The following MYH10 variants were observed in gnomAD, a reference collection of about 807,000 sequenced individuals.
MYH10 encodes the protein myosin heavy chain 10.
In MYH10, 55 loss-of-function variants were observed where a neutral mutation model predicts 257.8. The observed-to-expected ratio is 0.21, with a 90% CI of 0.17 to 0.27. MYH10 has a LOEUF of 0.27. MYH10 is among the 10% of genes least tolerant of loss of function. The probability of loss-of-function intolerance (pLI) is 1.00; values close to 1 mark genes in which losing one functional copy is unlikely to be tolerated. For missense variants in MYH10, 1,631 were observed against 2,500.6 expected, an observed-to-expected ratio of 0.65 and a Z score of 7.42; for synonymous variants, 854 against 921.7, an observed-to-expected ratio of 0.93 and a Z score of 1.33.
chr17:8,513,579 C>T lies in MYH10; in HGVS notation c.2704G>A (p.Val902Met). ...TCCATCTCCTCCAGCTCTCCTTCCACCTTCGTCTGCTTCTCCTTCACCTTC... is the reference window on the plus strand; with the variant it reads ...TCCATCTCCTCCAGCTCTCCTTCCATCTTCGTCTGCTTCTCCTTCACCTTC... ...LLKVKEKQTKVEGELEEMERK... is the reference protein window; with the variant it reads ...LLKVKEKQTKMEGELEEMERK... Residue 902 changes from valine (V) to methionine (M), a missense_variant, in exon 23 of 43, where the codon GTG (valine) becomes ATG (methionine). By Grantham distance (21) the Val-to-Met change is conservative (BLOSUM62 1). This residue lies in a region of MYH10 where 116 missense variants were observed against 221.6 expected (regional missense o/e 0.52). Transcript: ENST00000360416. 2 of 1,614,162 alleles carry T rather than the reference C, an allele frequency of 1.2e-6. No individual in the cohort carries two copies. The highest frequency in any genetic ancestry group is 1.7e-5 in the Admixed American group (1 of 60,030).
rs915696303 is a variant in MYH10 at position 8,567,255 on chromosome 17, C to T, written c.756+2465G>A. On this transcript the variant is annotated intron_variant, in intron 7 of 42. Transcript: ENST00000360416. ...TTTCCTCAGATCGTTTCTAAACCCA[C>T]GAGTCAAGTCACAGGCATGCCTCCT... Among the ~76,000 whole-genome samples, 4 of 152,114 alleles carry T rather than the reference C, an allele frequency of 2.6e-5. No individual in the cohort carries two copies. In the East Asian group the frequency reaches 5.8e-4, roughly 22 times the overall value.
chr17:8,574,258 T>C (rs905621474), intron 6 of MYH10, among the ~76,000 whole-genome samples: 4 of 152,216 alleles, frequency 2.6e-5, no homozygotes, highest in Admixed American at 6.5e-5. Context: ...GAATATATTA[T>C]GCTAAAAGAA....
At chr17:8,492,142 T>C (rs895490456) in intron 34 of MYH10, among the ~76,000 whole-genome samples, 155 bp downstream of exon 34, 10 of 152,200 alleles carry the variant, frequency 6.6e-5, no homozygotes, top group Admixed American at 3.9e-4. Context: ...CCCGTACGCA[T>C]GCACAGGCCA....
At chr17:8,605,351 T>G (rs577824697) in intron 2 of MYH10, among the ~76,000 whole-genome samples, 1 of 152,248 alleles carries the variant, frequency 6.6e-6, no homozygotes, top group African/African-American at 2.4e-5. Context: ...TAATGCAGTT[T>G]CAGATTCCAT....
At chr17:8,496,611 G>C (rs539503010) in intron 30 of MYH10, among the ~76,000 whole-genome samples, 1 of 152,182 alleles carries the variant, frequency 6.6e-6, no homozygotes, top group Admixed American at 6.5e-5. Context: ...TCCCTTCCCC[G>C]CCGTAGGCAG....
intron 24 of MYH10, among the ~76,000 whole-genome samples, chr17:8,511,396 T>C (rs967638489): frequency 6.6e-6 from 1 of 152,032 alleles, no homozygotes; most frequent in South Asian, 2.1e-4. Flanking sequence ...AGCAGGCGCC[T>C]GTAATCCCAG....
chr17:8,574,561 T>A (rs1032620200), intron 6 of MYH10, among the ~76,000 whole-genome samples: 6 of 152,122 alleles, frequency 3.9e-5, no homozygotes, highest in Admixed American at 3.9e-4. Flanking sequence ...AAAAAAAGAA[T>A]GAGTAGATAA....
intron 7 of MYH10, among the ~76,000 whole-genome samples, chr17:8,565,212 G>A (rs78318933): frequency 2.0e-5 from 3 of 152,180 alleles, no homozygotes; most frequent in Admixed American, 6.6e-5. Context: ...CAATTAAGCT[G>A]CACAGTGGCT....
intron 25 of MYH10, among the ~76,000 whole-genome samples, chr17:8,509,580 C>T (rs936928630): frequency 4.6e-5 from 7 of 152,132 alleles, no homozygotes; most frequent in African/African-American, 1.2e-4. Flanking sequence ...ACAAACTGCA[C>T]ATGTTACAAG....
intron 6 of MYH10, among the ~76,000 whole-genome samples, chr17:8,572,177 C>T (rs1303270675): frequency 6.6e-6 from 1 of 151,316 alleles, no homozygotes; most frequent in Non-Finnish European, 1.5e-5. Flanking sequence ...TTAGATATGG[C>T]TAAAAGGATT....
intron 24 of MYH10, among the ~76,000 whole-genome samples, chr17:8,511,950 T>C (rs955216111): frequency 6.6e-6 from 1 of 152,200 alleles, no homozygotes; most frequent in African/African-American, 2.4e-5. Context: ...AATCCAAAAA[T>C]TGTGCCTCAT....
Position 8,490,639 on chromosome 17 carries a change from G to T in MYH10, c.4672-87C>A. ...GTCTTACTGTTTTACAGGCCCACTC[G>T]TGGCATGCTGGCCACTTTGGTCCCC... On this transcript the variant is annotated intron_variant, in intron 34 of 42. Transcript: ENST00000360416. The surrounding 1 kb of genome is among the most constrained non-coding windows in gnomAD (Gnocchi z 4.1). 3 of 1,384,268 alleles carry T rather than the reference G, an allele frequency of 2.2e-6. No individual in the cohort carries two copies. Among genetic ancestry groups the T allele is most frequent in the Non-Finnish European group, 3.1e-6 (3 of 982,788 alleles). The allele number at this position is 1,384,268 out of a possible 1,614,324, so 85.7% of individuals were successfully genotyped here.
intron 3 of MYH10, among the ~76,000 whole-genome samples, chr17:8,597,616 A>C (rs1263401129): frequency 1.1e-5 from 1 of 89,356 alleles, no homozygotes; most frequent in Non-Finnish European, 2.1e-5. Flanking sequence ...TATATAGTTT[A>C]CTCATTTTTT....
At chr17:8,546,106 T>C (rs1308010366) in intron 12 of MYH10, among the ~76,000 whole-genome samples, 8 of 152,126 alleles carry the variant, frequency 5.3e-5, no homozygotes, top group African/African-American at 1.9e-4. Flanking sequence ...TTGCCTGGGC[T>C]GGAGTGCCGT....
Position 8,474,358 on chromosome 17 carries a change from A to G in MYH10, c.*1446T>C, listed in dbSNP as rs1912159517. The G allele has an allele frequency of 6.6e-6, 1 of 152,656 alleles. No homozygotes were observed. Among genetic ancestry groups the G allele is most frequent in the Admixed American group, 6.5e-5 (1 of 15,290 alleles). 9.5% of individuals were successfully genotyped at this position (152,656 alleles called of 1,614,324 possible). On this transcript the variant is annotated 3_prime_UTR_variant, in exon 43 of 43. Transcript: ENST00000360416. ...TGTCTAGAAATATGGGAATACAAGA[A>G]AAGATATTTGCGGTCAGGTGTCTGG...
At chr17:8,499,673 C>T (rs753167503) in intron 29 of MYH10, among the ~76,000 whole-genome samples, 197 bp from the exon 30 acceptor site, 21 of 152,204 alleles carry the variant, frequency 1.4e-4, no homozygotes, top group Admixed American at 4.6e-4. Context: ...GTACACACTG[C>T]TCCGAGGAGC....
intron 1 of MYH10, among the ~76,000 whole-genome samples, chr17:8,624,509 C>T (rs996682622): frequency 2.0e-5 from 3 of 152,204 alleles, no homozygotes; most frequent in South Asian, 2.1e-4. Flanking sequence ...ATCCCCACTT[C>T]TCCCCTCTGT....
In MYH10 at chr17:8,492,838, C is replaced by T. The variant is rs1270107270; in HGVS notation, c.4396G>A (p.Asp1466Asn). 1.2e-6 allele frequency: 2 copies of T among 1,614,108 alleles called. No individual in the cohort carries two copies. The highest frequency in any genetic ancestry group is 1.7e-6 in the Non-Finnish European group (2 of 1,180,024). Residue 1466 changes from aspartate (D) to asparagine (N), a missense_variant, in exon 33 of 43, where the codon GAC (aspartate) becomes AAC (asparagine). Asp to Asn is a conservative substitution (Grantham distance 23, BLOSUM62 1). Coordinates refer to ENST00000360416, the MANE Select transcript of MYH10 (RefSeq NM_001256012.3). The part of the protein sequence containing the change: ...LQQELDDLTV[D>N]LDHQRQVASN... ...GCGACCTGGCGCTGGTGGTCCAGGTCCACCGTGAGGTCGTCCAGCTCCTGC... is the reference window on the plus strand; with the variant it reads ...GCGACCTGGCGCTGGTGGTCCAGGTTCACCGTGAGGTCGTCCAGCTCCTGC...
At chr17:8,616,913 T>C (rs552031702) in intron 2 of MYH10, among the ~76,000 whole-genome samples, 31 of 152,282 alleles carry the variant, frequency 2.0e-4, no homozygotes, top group African/African-American at 7.2e-4. Flanking sequence ...TGATATTAGC[T>C]GAAAGATAGG....
Sources: allele counts gnomAD v4.1 joint callset (sites outside exome capture counted in the v4.1 genomes callset), GRCh38; gene constraint gnomAD v4.1.1; regional missense constraint gnomAD v4.1.1; non-coding constraint Gnocchi (gnomAD v3.1); transcripts MANE v1.5; gene names NCBI Gene and HGNC (gene_info 2026-07-23, HGNC 2026-07-21).